RIC3: variants seen among roughly 807,000 people sequenced by gnomAD.
RIC3 encodes RIC3 acetylcholine receptor chaperone.
In RIC3, 28 loss-of-function variants were observed where a neutral mutation model predicts 27.3. The ratio of observed to expected loss-of-function variants is 1.02; its 90% confidence interval spans 0.76 to 1.41. RIC3 has a LOEUF of 1.41. Ranked by LOEUF, RIC3 falls within the 40% of genes most tolerant of loss-of-function variation. The pLI, the probability that RIC3 is intolerant of heterozygous loss-of-function variation, is 0.00. For missense variants in RIC3, 501 were observed against 444.7 expected (o/e 1.13, Z -1.14); for synonymous variants, 184 against 160.4 (o/e 1.15, Z -1.11).
intron 1 of RIC3, 46 bp from the exon 2 acceptor site, chr11:8,140,239 A>G (rs770915148): frequency 6.6e-7 from 1 of 1,526,280 alleles, no homozygotes; most frequent in South Asian, 1.2e-5. Context: ...TATTTTAAAG[A>G]TGGCTATCAT....
chr11:8,127,412 C>T (rs1172624201), intron 4 of RIC3, among the ~76,000 whole-genome samples: 1 of 152,196 alleles, frequency 6.6e-6, no homozygotes, highest in Non-Finnish European at 1.5e-5. Context: ...TATATTCATA[C>T]TGCCACTTAA....
In RIC3 at chr11:8,126,679, G is replaced by A; in HGVS notation, c.650C>T (p.Pro217Leu). 1.2e-6 allele frequency: 2 copies of A among 1,614,102 alleles called. No individual in the cohort carries two copies. Among genetic ancestry groups the A allele is most frequent in the Non-Finnish European group, 8.5e-7 (1 of 1,180,008 alleles). Residue 217 changes from proline (P) to leucine (L), a missense_variant, in exon 5 of 6, where the codon CCT becomes CTT. Coordinates refer to ENST00000309737, the MANE Select transcript of RIC3 (RefSeq NM_001206671.4). ...TTTACCTTCCCAGTCCTCCATGTAA[G>A]GGGCCTCCTCAGCTTCTTTCTCTGG... is the stretch of plus-strand genomic sequence containing the variant. ...FSPEKEAEEAPYMEDWEGYPE... is the reference protein window; with the variant it reads ...FSPEKEAEEALYMEDWEGYPE...
At chr11:8,092,995 G>T in the RIC3 span, among the ~76,000 whole-genome samples, 3 of 152,140 alleles carry the variant, frequency 2.0e-5, no homozygotes, top group Admixed American at 2.0e-4. Context: ...TGAGGTTTGT[G>T]TCAGGCTCTG....
chr11:8,104,564 G>A (rs924852783), downstream of RIC3: 1 of 152,200 alleles, frequency 6.6e-6, no homozygotes, highest in African/African-American at 2.4e-5. Context: ...GATCGCCTGT[G>A]GATTTTGTCC....
the RIC3 span, chr11:8,097,317 C>T: frequency 1.2e-6 from 2 of 1,614,168 alleles, no homozygotes; most frequent in Non-Finnish European, 1.7e-6. Flanking sequence ...TGAGGCCGGC[C>T]CCCCAGGGTA....
intron 1 of RIC3, among the ~76,000 whole-genome samples, chr11:8,162,865 C>G (rs757216756): frequency 6.6e-5 from 10 of 151,786 alleles, no homozygotes; most frequent in Non-Finnish European, 5.9e-5. Context: ...AGGCTGGTCT[C>G]GAACTCCTGG....
chr11:8,151,383 C>T (rs909894519), intron 1 of RIC3, among the ~76,000 whole-genome samples: 10 of 151,318 alleles, frequency 6.6e-5, no homozygotes, highest in South Asian at 2.1e-4. Context: ...GTCAGGAGAT[C>T]GAGACCATCC....
intron 5 of RIC3, among the ~76,000 whole-genome samples, chr11:8,121,054 G>A (rs1946390749): frequency 2.0e-5 from 3 of 152,166 alleles, no homozygotes; most frequent in South Asian, 2.1e-4. Flanking sequence ...TGCTATATAT[G>A]AGACAGTGGT....
At chr11:8,151,813 G>A (rs1193896851) in intron 1 of RIC3, among the ~76,000 whole-genome samples, 3 of 151,426 alleles carry the variant, frequency 2.0e-5, no homozygotes, top group Non-Finnish European at 2.9e-5. Flanking sequence ...CTACTTGGGA[G>A]GCTGAGGCAG....
the RIC3 span, among the ~76,000 whole-genome samples, chr11:8,096,103 C>T: frequency 1.3e-5 from 2 of 152,186 alleles, no homozygotes; most frequent in Admixed American, 1.3e-4. Flanking sequence ...TCAAGGATGG[C>T]TTCCTGTACA....
At chr11:8,100,532 T>C in the RIC3 span, 1 of 1,614,060 alleles carries the variant, frequency 6.2e-7, no homozygotes, top group Non-Finnish European at 8.5e-7. Context: ...TCAAGGGGCC[T>C]CGGAAGATGA....
intron 4 of RIC3, among the ~76,000 whole-genome samples, chr11:8,132,863 C>G (rs1276963421): frequency 4.3e-4 from 66 of 152,130 alleles, no homozygotes; most frequent in Admixed American, 4.2e-3. Flanking sequence ...TTCTAATAAT[C>G]ATAGGAGCAC....
In RIC3 at chr11:8,165,401, CATT is replaced by C. The variant is rs529577224; in HGVS notation, c.124+3462_124+3464del. ...CTACAACATGGATGAACCTTGAAAA[CATT>C]ATGCTAGTTAAAAGACGTCAGTCAC... On this transcript the variant is annotated intron_variant, in intron 1 of 5. Transcript: ENST00000309737. 3.6e-3 allele frequency among the ~76,000 whole-genome samples: 532 copies of C among 146,706 alleles called. 4 individuals are homozygous for C. Among genetic ancestry groups the C allele is most frequent in the South Asian group, 0.015 (68 of 4,546 alleles).
At chr11:8,117,156 C>T in intron 5 of RIC3, among the ~76,000 whole-genome samples, 1 of 152,196 alleles carries the variant, frequency 6.6e-6, no homozygotes, top group East Asian at 1.9e-4. Flanking sequence ...GCAGTCTCCA[C>T]CTCTTGGACT....
chr11:8,105,203 AC>A (rs1564933786), downstream of RIC3: 1 of 151,892 alleles, frequency 6.6e-6, no homozygotes, highest in African/African-American at 2.4e-5. Context: ...CTAATTCCTT[AC>A]CCCAGCTGCG....
rs145805130 is a variant in RIC3, at chr11:8,167,911, G to C, written c.124+955C>G. On this transcript the variant is annotated intron_variant, in intron 1 of 5. Coordinates refer to ENST00000309737, the MANE Select transcript of RIC3 (RefSeq NM_001206671.4). ...ACCTGCCCTCCACCCCTAAAGCTTG[G>C]TGCTTTGCATTTATAGTGTGTATGA... is the stretch of plus-strand genomic sequence containing the variant. Among the ~76,000 whole-genome samples the C allele has an allele frequency of 5.9e-3, 902 of 152,280 alleles. 8 individuals carry two copies. Among genetic ancestry groups the C allele is most frequent in the African/African-American group, 0.02 (826 of 41,550 alleles).
chr11:8,151,824 G>C (rs887110355), intron 1 of RIC3, among the ~76,000 whole-genome samples: 1 of 150,946 alleles, frequency 6.6e-6, no homozygotes, highest in Non-Finnish European at 1.5e-5. Context: ...GCTGAGGCAG[G>C]AGAATCGCTT....
the RIC3 span, chr11:8,094,077 G>T: frequency 6.2e-7 from 1 of 1,614,182 alleles, no homozygotes; most frequent in Admixed American, 1.7e-5. Flanking sequence ...CCAGTGTGCA[G>T]CTGGGAGCCA....
chr11:8,158,369 A>C (rs1472607818), intron 1 of RIC3, among the ~76,000 whole-genome samples: 4 of 152,136 alleles, frequency 2.6e-5, no homozygotes, highest in Non-Finnish European at 4.4e-5. Context: ...AGATGCCCAG[A>C]TACAGTGTTA....
Sources: allele counts gnomAD v4.1 joint callset (sites outside exome capture counted in the v4.1 genomes callset), GRCh38; gene constraint gnomAD v4.1.1; transcripts MANE v1.5; gene names NCBI Gene and HGNC (gene_info 2026-07-23, HGNC 2026-07-21).